The following SAP130 variants were observed in gnomAD, a reference collection of about 807,000 sequenced individuals.
The protein encoded by SAP130 is histone deacetylase complex subunit SAP130.
A neutral mutation model predicts 103.2 loss-of-function variants in SAP130; 16 were observed. The observed-to-expected ratio is 0.16, with a 90% CI of 0.10 to 0.24. The LOEUF is 0.24. Among genes scored for constraint, SAP130 ranks in the 10% least tolerant of loss-of-function variants. SAP130 has a pLI of 1.00. For synonymous variants in SAP130, 477 were observed against 497.0 expected, an observed-to-expected ratio of 0.96 and a Z score of 0.53; for missense variants, 990 against 1,359.7, an observed-to-expected ratio of 0.73 and a Z score of 4.28.
chr2:127,983,830 T>G (rs951174297), intron 14 of SAP130, among the ~76,000 whole-genome samples: 2 of 122,146 alleles, frequency 1.6e-5, no homozygotes, highest in Non-Finnish European at 3.4e-5. Context: ...GTTGTTTTTT[T>G]TTTTTTTTTT....
chr2:127,941,749 C>CTGA lies in SAP130; in HGVS notation c.*254_*256dup. On this transcript the variant is annotated 3_prime_UTR_variant, in exon 21 of 21. Transcript: ENST00000643581. Reference sequence around the variant, plus strand: ...TGTCATTGCTTCCAACTGGTGGACACTGATGCATCCGGAGTCACTTATGAC... The same window carrying CTGA: ...TGTCATTGCTTCCAACTGGTGGACACTGATGATGCATCCGGAGTCACTTATGAC... 1 of 464,092 alleles carries CTGA rather than the reference C, an allele frequency of 2.2e-6. No homozygotes were observed. Among genetic ancestry groups the CTGA allele is most frequent in the East Asian group, 4.4e-5 (1 of 22,640 alleles). The allele number at this position is 464,092 out of a possible 1,614,324, so 28.7% of individuals were successfully genotyped here.
intron 16 of SAP130, 82 bp downstream of exon 16, chr2:127,954,904 C>A (rs1679722738): frequency 9.0e-7 from 1 of 1,116,496 alleles, no homozygotes; most frequent in Non-Finnish European, 1.3e-6. Context: ...CTGAGGGTTA[C>A]AGAAGAATCT....
At chr2:128,021,021 A>T (rs1465060494) in intron 2 of SAP130, among the ~76,000 whole-genome samples, 2 of 152,184 alleles carry the variant, frequency 1.3e-5, no homozygotes, top group Non-Finnish European at 2.9e-5. Context: ...TCTATTGTAT[A>T]GATGTACTAT....
intron 7 of SAP130, among the ~76,000 whole-genome samples, chr2:128,005,122 C>T (rs567714260): frequency 6.6e-6 from 1 of 152,112 alleles, no homozygotes; most frequent in Non-Finnish European, 1.5e-5. Flanking sequence ...CATAAGAACT[C>T]AGTGGAAATG....
At chr2:128,027,451 C>A in intron 1 of SAP130, 1 of 1,100,722 alleles carries the variant, frequency 9.1e-7, no homozygotes, top group Non-Finnish European at 1.1e-6. Flanking sequence ...CTGGCCGGGG[C>A]AGCCCAAACC....
Position 128,000,462 on chromosome 2 carries a change from G to C in SAP130, c.870-8C>G. 6.2e-7 allele frequency: 1 copy of C among 1,614,028 alleles called. No individual in the cohort carries two copies. Among genetic ancestry groups the C allele is most frequent in the South Asian group, 1.1e-5 (1 of 91,076 alleles). ...ATAGACAAGGTTGGCCTACTGAAAA[G>C]ATAACAAAGACACAATGCAGATGGG... On this transcript the variant is annotated splice_region_variant and splice_polypyrimidine_tract_variant and intron_variant, in intron 7 of 20. Coordinates refer to ENST00000643581, the MANE Select transcript of SAP130 (RefSeq NM_001330301.2).
At chr2:127,972,565 C>T (rs79434327) in intron 15 of SAP130, among the ~76,000 whole-genome samples, 1 of 152,124 alleles carries the variant, frequency 6.6e-6, no homozygotes, top group Admixed American at 6.6e-5. Flanking sequence ...CGAGACCAGC[C>T]TGGCCAACAT....
chr2:127,977,858 T>C (rs1191186366), intron 15 of SAP130, 127 bp downstream of exon 15: 2 of 697,582 alleles, frequency 2.9e-6, no homozygotes, highest in African/African-American at 1.8e-5. Flanking sequence ...CGGCTGAGAA[T>C]AGCCACTGCA....
At chr2:127,999,631 G>T in intron 10 of SAP130, 110 bp downstream of exon 10, 2 of 490,092 alleles carry the variant, frequency 4.1e-6, no homozygotes, top group South Asian at 6.9e-5. Flanking sequence ...AAAAAAAAAA[G>T]AGGAAATCAA....
chr2:127,981,221 G>A (rs1474306471), intron 14 of SAP130, among the ~76,000 whole-genome samples: 1 of 151,358 alleles, frequency 6.6e-6, no homozygotes, highest in African/African-American at 2.4e-5. Context: ...TGTTCACCTC[G>A]CACAACAAAG....
intron 11 of SAP130, among the ~76,000 whole-genome samples, chr2:127,994,320 C>T (rs1317020113): frequency 6.6e-6 from 1 of 152,186 alleles, no homozygotes; most frequent in Non-Finnish European, 1.5e-5. Context: ...CATTTGAGCT[C>T]AGGAGTTCGA....
chr2:127,978,112 C>A, intron 14 of SAP130, 23 bp from the exon 15 acceptor site: 3 of 1,530,380 alleles, frequency 2.0e-6, no homozygotes, highest in Non-Finnish European at 2.7e-6. Context: ...AGAGACAAAC[C>A]CGGAGAACAG....
In SAP130 at chr2:128,017,816, A is replaced by C. The variant is rs753258961; in HGVS notation, c.212T>G (p.Val71Gly). ...CTGCACCTGTGGATAGGGCCTTACCACAACAGGCTCTTGCTTCTCCTCCCG... is the reference window on the plus strand; with the variant it reads ...CTGCACCTGTGGATAGGGCCTTACCCCAACAGGCTCTTGCTTCTCCTCCCG... ...QSREEKQEPV[V>G]VRPYPQVQML... Residue 71 changes from valine to glycine, a missense_variant, in exon 3 of 21, where the codon GTG (valine) becomes GGG (glycine). By Grantham distance (109) the Val-to-Gly change is moderately radical. This residue lies in a region of SAP130 where 167 missense variants were observed against 187.4 expected (regional missense o/e 0.89). Coordinates refer to ENST00000643581, the MANE Select transcript of SAP130 (RefSeq NM_001330301.2). 1.2e-6 allele frequency: 2 copies of C among 1,614,088 alleles called. No homozygotes were observed. Among genetic ancestry groups the C allele is most frequent in the African/African-American group, 1.3e-5 (1 of 74,932 alleles).
rs1370835243 is a variant in SAP130 at position 127,953,307 on chromosome 2, C to T, written c.2422+1679G>A. The stretch of plus-strand genomic sequence containing the variant: ...ACATAAACAGAATCCTACCACCTCA[C>T]ACCACTTCCGCTACTACTACCCTGG... On this transcript the variant is annotated intron_variant, in intron 16 of 20. Transcript: ENST00000643581. This position sits in a 1 kb window ranked among gnomAD's most constrained non-coding sequence, Gnocchi z 4.0. Among the ~76,000 whole-genome samples the T allele has an allele frequency of 6.6e-6, 1 of 152,216 alleles. No homozygotes were observed. Among genetic ancestry groups the T allele is most frequent in the East Asian group, 1.9e-4 (1 of 5,202 alleles).
chr2:128,022,508 G>T (rs1166050101), intron 2 of SAP130, among the ~76,000 whole-genome samples: 1 of 152,208 alleles, frequency 6.6e-6, no homozygotes, highest in Non-Finnish European at 1.5e-5. Context: ...TGTGGTAAGT[G>T]TATATTTAAT....
intron 2 of SAP130, among the ~76,000 whole-genome samples, chr2:128,024,703 A>C (rs894242809): frequency 1.4e-5 from 2 of 144,384 alleles, no homozygotes; most frequent in Non-Finnish European, 3.0e-5. Flanking sequence ...CCCTGTCTCT[A>C]CTAAAAATGC....
intron 11 of SAP130, among the ~76,000 whole-genome samples, chr2:127,994,899 TAGAG>T (rs1683064328): frequency 6.6e-6 from 1 of 152,250 alleles, no homozygotes; most frequent in South Asian, 2.1e-4. Flanking sequence ...CAGAATTATT[TAGAG>T]AATCTATAAA....
chr2:127,976,586 A>G (rs1202375990), intron 15 of SAP130, among the ~76,000 whole-genome samples: 1 of 152,242 alleles, frequency 6.6e-6, no homozygotes, highest in African/African-American at 2.4e-5. Context: ...CGAGACATAA[A>G]ACAATATAAT....
intron 15 of SAP130, among the ~76,000 whole-genome samples, chr2:127,974,534 C>A (rs1033275347): frequency 6.6e-6 from 1 of 152,140 alleles, no homozygotes; most frequent in Non-Finnish European, 1.5e-5. Context: ...TAATTTCTGG[C>A]CGGGCGCGGT....
Sources: allele counts gnomAD v4.1 joint callset (sites outside exome capture counted in the v4.1 genomes callset), GRCh38; gene constraint gnomAD v4.1.1; regional missense constraint gnomAD v4.1.1; non-coding constraint Gnocchi (gnomAD v3.1); transcripts MANE v1.5; gene names NCBI Gene and HGNC (gene_info 2026-07-23, HGNC 2026-07-21).